The following FLT1 variants were observed in gnomAD, a reference collection of about 807,000 sequenced individuals.
FLT1 encodes the protein fms related receptor tyrosine kinase 1, also known as vascular endothelial growth factor receptor 1.
Under a neutral mutation model 156.3 loss-of-function variants are expected in FLT1, and 49 were observed. The observed-to-expected ratio is 0.31, with a 90% CI of 0.25 to 0.40. The LOEUF is 0.40. Ranked by LOEUF, FLT1 falls within the 10% of genes least tolerant of loss-of-function variation. FLT1 has a pLI of 1.00. For synonymous variants in FLT1, 594 were observed against 583.8 expected (o/e 1.02, Z -0.25); for missense variants, 1,322 against 1,637.2 (o/e 0.81, Z 3.32).
At chr13:28,369,051 AG>A (rs1873434329) in intron 14 of FLT1, among the ~76,000 whole-genome samples, 1 of 152,182 alleles carries the variant, frequency 6.6e-6, no homozygotes, top group Non-Finnish European at 1.5e-5. Flanking sequence ...GTCCGAACTA[AG>A]AACCAGAAGA....
At chr13:28,341,413 C>A (rs1307991573) in intron 16 of FLT1, among the ~76,000 whole-genome samples, 2 of 152,214 alleles carry the variant, frequency 1.3e-5, no homozygotes, top group Non-Finnish European at 2.9e-5. Context: ...CACAGGTCAA[C>A]TTCTGCTCAC....
At chr13:28,468,559 A>G (rs1879976400) in intron 1 of FLT1, among the ~76,000 whole-genome samples, 2 of 152,120 alleles carry the variant, frequency 1.3e-5, no homozygotes, top group Non-Finnish European at 2.9e-5. Context: ...TGACCCTCCA[A>G]TTCTGATGGT....
intron 3 of FLT1, among the ~76,000 whole-genome samples, chr13:28,448,355 T>C (rs1784251781): frequency 6.6e-6 from 1 of 152,228 alleles, no homozygotes; most frequent in African/African-American, 2.4e-5. Context: ...TGGAAGCAAC[T>C]CAAATGTCCA....
intron 3 of FLT1, among the ~76,000 whole-genome samples, chr13:28,440,441 C>T (rs1159114653): frequency 2.6e-5 from 4 of 152,222 alleles, no homozygotes; most frequent in Non-Finnish European, 4.4e-5. Flanking sequence ...CCTCTGGCTA[C>T]GTTCTCTTGA....
intron 10 of FLT1, among the ~76,000 whole-genome samples, chr13:28,425,299 G>A (rs991690596): frequency 3.3e-5 from 5 of 152,184 alleles, no homozygotes; most frequent in Admixed American, 2.6e-4. Flanking sequence ...GAAAAAAAAT[G>A]CCTTGAACAG....
chr13:28,361,617 G>T (rs1873114976), intron 14 of FLT1, among the ~76,000 whole-genome samples: 1 of 152,146 alleles, frequency 6.6e-6, no homozygotes, highest in Non-Finnish European at 1.5e-5. Context: ...AAATTATAAG[G>T]GTAATAACTT....
chr13:28,441,789 T>A (rs1878347806), intron 3 of FLT1, among the ~76,000 whole-genome samples: 1 of 152,126 alleles, frequency 6.6e-6, no homozygotes, highest in Non-Finnish European at 1.5e-5. Flanking sequence ...CAAAAAAAGT[T>A]AAAAATGATT....
chr13:28,427,807 C>T lies in FLT1; in HGVS notation c.1221G>A (p.Leu407=), dbSNP rs777597107. 2.5e-6 allele frequency: 4 copies of T among 1,613,950 alleles called. No homozygotes were observed. Among genetic ancestry groups the T allele is most frequent in the Non-Finnish European group, 2.5e-6 (3 of 1,179,862 alleles). ...EEDAGNYTIL[L]SIKQSNVFKN... Reference sequence around the variant, plus strand: ...TAAACACATTTGACTGTTTTATGCTCAGCAAGATTGTATAATTCCCTGCAT... The same window carrying T: ...TAAACACATTTGACTGTTTTATGCTTAGCAAGATTGTATAATTCCCTGCAT... Residue 407 remains leucine (L), a synonymous_variant, in exon 9 of 30, where the codon CTG becomes CTA. Coordinates refer to ENST00000282397, the MANE Select transcript of FLT1 (RefSeq NM_002019.4).
At chr13:28,348,339 C>G (rs1565980759) in intron 15 of FLT1, among the ~76,000 whole-genome samples, 1 of 152,160 alleles carries the variant, frequency 6.6e-6, no homozygotes, top group African/African-American at 2.4e-5. Flanking sequence ...GATAAAAGTC[C>G]AAATCCTTAA....
At position 28,427,797 on chromosome 13, in the gene FLT1, G is replaced by C. The variant is rs780089707; in HGVS notation, c.1231C>G (p.Gln411Glu). The change falls in exon 9 of 30, where the codon CAG (glutamine) becomes GAG (glutamate). Residue 411 changes from glutamine to glutamate, a missense_variant. Gln to Glu is a conservative substitution (Grantham distance 29, BLOSUM62 2). Around this residue, in one of 3 missense-constraint regions of FLT1, gnomAD observed 991 missense variants for 1,254.8 expected, o/e 0.79. Transcript: ENST00000282397. Reference sequence around the variant, plus strand: ...GTGAGGTTTTTAAACACATTTGACTGTTTTATGCTCAGCAAGATTGTATAA... The same window carrying C: ...GTGAGGTTTTTAAACACATTTGACTCTTTTATGCTCAGCAAGATTGTATAA... ...GNYTILLSIK[Q>E]SNVFKNLTAT... 25 of 1,613,812 alleles carry C rather than the reference G, an allele frequency of 1.5e-5. No homozygotes were observed. The highest frequency in any genetic ancestry group is 5.1e-6 in the Non-Finnish European group (6 of 1,179,856).
chr13:28,313,888 TAAAA>T (rs779467248), intron 25 of FLT1, among the ~76,000 whole-genome samples: 4 of 70,588 alleles, frequency 5.7e-5, no homozygotes, highest in Admixed American at 2.1e-4. Flanking sequence ...TACAGGGAGG[TAAAA>T]AAAAAAAAAA....
At chr13:28,447,338 C>A (rs1878677281) in intron 3 of FLT1, among the ~76,000 whole-genome samples, 1 of 148,678 alleles carries the variant, frequency 6.7e-6, no homozygotes, top group Non-Finnish European at 1.5e-5. Flanking sequence ...GCCACCACAC[C>A]CAGCTAATTT....
intron 3 of FLT1, among the ~76,000 whole-genome samples, chr13:28,447,345 ATTT>A (rs34508993): frequency 6.0e-5 from 9 of 150,600 alleles, no homozygotes; most frequent in South Asian, 2.1e-4. Flanking sequence ...CACCCAGCTA[ATTT>A]TTTTTTAAAA....
At chr13:28,385,089 A>G in intron 13 of FLT1, 58 bp from the exon 14 acceptor site, 1 of 1,537,932 alleles carries the variant, frequency 6.5e-7, no homozygotes, top group Non-Finnish European at 9.0e-7. Flanking sequence ...TGTATTGTCT[A>G]TGCATATCAA....
At chr13:28,330,396 T>A (rs1415079331) in intron 18 of FLT1, among the ~76,000 whole-genome samples, 4 of 152,142 alleles carry the variant, frequency 2.6e-5, no homozygotes, top group East Asian at 1.9e-4. Context: ...TTAAAAATTT[T>A]AAATTATTTT....
At chr13:28,488,439 G>A (rs1881288018) in intron 1 of FLT1, among the ~76,000 whole-genome samples, 1 of 151,648 alleles carries the variant, frequency 6.6e-6, no homozygotes. Context: ...AACTGACTTT[G>A]GATCCTTTAC....
At chr13:28,475,841 G>A (rs1880512553) in intron 1 of FLT1, among the ~76,000 whole-genome samples, 1 of 152,168 alleles carries the variant, frequency 6.6e-6, no homozygotes, top group African/African-American at 2.4e-5. Flanking sequence ...TACCAGCTAT[G>A]CTGACAGGGC....
chr13:28,321,709 C>A, intron 22 of FLT1, 124 bp from the exon 23 acceptor site: 1 of 923,856 alleles, frequency 1.1e-6, no homozygotes, highest in East Asian at 2.5e-5. Flanking sequence ...GAGCACCTCT[C>A]GGTGCACACA....
rs182660391 is a variant in FLT1, at chr13:28,316,301, T to C, written c.3386+1197A>G. Among the ~76,000 whole-genome samples, 256 of 152,334 alleles carry C rather than the reference T, an allele frequency of 1.7e-3. 4 individuals carry two copies. Among genetic ancestry groups the C allele is most frequent in the Non-Finnish European group, 4.1e-4 (28 of 68,028 alleles). On this transcript the variant is annotated intron_variant, in intron 25 of 29. Transcript: ENST00000282397. The stretch of plus-strand genomic sequence containing the variant: ...CTTTGCCCTTTGGCCAAGCCCACAC[T>C]TCCTGCATTCCCTCTGATTCCTTCT...
Sources: gnomAD v4.1 joint callset for allele counts (sites outside exome capture counted in the v4.1 genomes callset) on GRCh38, gnomAD v4.1.1 for gene constraint, gnomAD v4.1.1 regional missense constraint, MANE v1.5 for transcripts, NCBI Gene and HGNC (gene_info 2026-07-23, HGNC 2026-07-21) for gene names.